CPAP: variants seen among roughly 807,000 people sequenced by gnomAD.
CPAP encodes centrosome assembly and centriole elongation protein.
At chr13:24,899,463 C>T in the CPAP span, 2 of 1,613,722 alleles carry the variant, frequency 1.2e-6, no homozygotes, top group Non-Finnish European at 1.7e-6. Context: ...GTTCTTGCAG[C>T]TGTAGTATAC....
the CPAP span, among the ~76,000 whole-genome samples, chr13:24,915,634 T>C: frequency 3.3e-5 from 5 of 152,080 alleles, no homozygotes; most frequent in African/African-American, 4.8e-5. Context: ...TGAAACCCCA[T>C]CTCTACTAAA....
the CPAP span, chr13:24,906,438 T>TG: frequency 1.2e-6 from 2 of 1,613,534 alleles, no homozygotes; most frequent in Admixed American, 1.7e-5. Context: ...GCCAGCCGGC[T>TG]GGCCGGCCCT....
the CPAP span, among the ~76,000 whole-genome samples, chr13:24,907,649 T>C: frequency 2.6e-5 from 4 of 152,180 alleles, no homozygotes; most frequent in African/African-American, 9.6e-5. Context: ...ATCTTTGCCA[T>C]ATTTTAAAAT....
chr13:24,886,297 G>C, the CPAP span: 1 of 1,288,942 alleles, frequency 7.8e-7, no homozygotes, highest in South Asian at 1.2e-5. Flanking sequence ...AACAGAGCTG[G>C]ATGTTACGGG....
chr13:24,922,014 C>CT, the CPAP span, among the ~76,000 whole-genome samples: 1 of 152,152 alleles, frequency 6.6e-6, no homozygotes, highest in Non-Finnish European at 1.5e-5. Context: ...TGGACTCAGA[C>CT]TTTACAGATA....
At chr13:24,926,708 G>A in the CPAP span, among the ~76,000 whole-genome samples, 11 of 152,112 alleles carry the variant, frequency 7.2e-5, no homozygotes, top group African/African-American at 1.9e-4. Flanking sequence ...CTACAGTTAC[G>A]GGACCCTGTC....
chr13:24,884,647 G>A, the CPAP span, among the ~76,000 whole-genome samples: 1 of 152,044 alleles, frequency 6.6e-6, no homozygotes, highest in South Asian at 2.1e-4. Flanking sequence ...CCTTTTCCAT[G>A]TATTAGCTGG....
chr13:24,912,769 T>C, the CPAP span: 37 of 1,614,116 alleles, frequency 2.3e-5, no homozygotes, highest in Admixed American at 5.8e-4. Context: ...CTGTGGTTTG[T>C]AAGGGTTGTT....
chr13:24,886,375 C>T, the CPAP span: 1 of 1,289,068 alleles, frequency 7.8e-7, no homozygotes, highest in Non-Finnish European at 1.0e-6. Context: ...TGTGAGGCGG[C>T]TGTGCTGTGC....
chr13:24,890,649 G>A, the CPAP span, among the ~76,000 whole-genome samples: 1 of 152,162 alleles, frequency 6.6e-6, no homozygotes, highest in Admixed American at 6.5e-5. Context: ...GACCCAGGTT[G>A]GCCCAGGTAC....
the CPAP span, among the ~76,000 whole-genome samples, chr13:24,923,815 TTTTTC>T: frequency 1.3e-5 from 2 of 152,068 alleles, no homozygotes; most frequent in African/African-American, 2.4e-5. Flanking sequence ...CTTTTTTCAA[TTTTTC>T]TTTTCTTTTT....
At chr13:24,889,330 T>C in the CPAP span, 2 of 1,609,748 alleles carry the variant, frequency 1.2e-6, no homozygotes, top group East Asian at 2.2e-5. Flanking sequence ...CATTGGAAGA[T>C]AATTTTTCTT....
the CPAP span, among the ~76,000 whole-genome samples, chr13:24,901,558 T>A: frequency 4.6e-5 from 7 of 152,262 alleles, no homozygotes; most frequent in African/African-American, 1.7e-4. Flanking sequence ...CCCTGCAGAA[T>A]AATTTCTAAT....
the CPAP span, chr13:24,906,990 T>C: frequency 6.2e-7 from 1 of 1,604,334 alleles, no homozygotes; most frequent in Non-Finnish European, 8.5e-7. Context: ...TTTGAATTAA[T>C]TTTGGTATAT....
At chr13:24,889,692 C>G in the CPAP span, among the ~76,000 whole-genome samples, 1 of 152,304 alleles carries the variant, frequency 6.6e-6, no homozygotes, top group East Asian at 1.9e-4. Context: ...GAGGAGCACA[C>G]AGGCCCTTCA....
the CPAP span, chr13:24,933,147 T>A: frequency 6.5e-7 from 1 of 1,531,884 alleles, no homozygotes; most frequent in Non-Finnish European, 9.0e-7. Flanking sequence ...TATTTCCAAA[T>A]GTCATAAACT....
At chr13:24,884,178 A>G in the CPAP span, 1 of 1,614,162 alleles carries the variant, frequency 6.2e-7, no homozygotes, top group Non-Finnish European at 8.5e-7. Context: ...TCCACTTGAG[A>G]AATGTAAGAC....
At chr13:24,932,241 T>C in the CPAP span, among the ~76,000 whole-genome samples, 1 of 152,190 alleles carries the variant, frequency 6.6e-6, no homozygotes, top group African/African-American at 2.4e-5. Flanking sequence ...GGGAGGCTGT[T>C]AGACGTGACT....
the CPAP span, among the ~76,000 whole-genome samples, chr13:24,898,736 AGGAT>A: frequency 6.6e-6 from 1 of 152,226 alleles, no homozygotes; most frequent in Non-Finnish European, 1.5e-5. Flanking sequence ...AAGAAAGCAA[AGGAT>A]GGAACTCAAA....
Sources: allele counts gnomAD v4.1 joint callset (sites outside exome capture counted in the v4.1 genomes callset), GRCh38; gene constraint gnomAD v4.1.1; transcripts MANE v1.5; gene names NCBI Gene and HGNC (gene_info 2026-07-23, HGNC 2026-07-21).